The following CD247 variants were observed in gnomAD, a reference collection of about 807,000 sequenced individuals.
The protein encoded by CD247 is T-cell surface glycoprotein CD3 zeta chain.
Under a neutral mutation model 30.0 loss-of-function variants are expected in CD247, and 13 were observed. The observed-to-expected ratio is 0.43, with a 90% CI of 0.28 to 0.69. The LOEUF (loss-of-function observed/expected upper bound fraction) is 0.69. CD247 is among the 30% of genes least tolerant of loss of function. The probability of loss-of-function intolerance (pLI) is 0.16; values close to 1 mark genes in which losing one functional copy is unlikely to be tolerated. For missense variants in CD247, 193 were observed against 212.6 expected, an observed-to-expected ratio of 0.91 and a Z score of 0.57; for synonymous variants, 72 against 80.0, an observed-to-expected ratio of 0.90 and a Z score of 0.53.
chr1:167,439,535 G>T, intron 2 of CD247, 135 bp from the exon 3 acceptor site: 1 of 763,496 alleles, frequency 1.3e-6, no homozygotes. Flanking sequence ...CTGCCTCCTG[G>T]GGCTGAGCCC....
chr1:167,495,027 G>T (rs1284349662), intron 1 of CD247, among the ~76,000 whole-genome samples: 2 of 152,216 alleles, frequency 1.3e-5, no homozygotes, highest in African/African-American at 4.8e-5. Flanking sequence ...TCCCAAGGAG[G>T]GGAGGGCTGG....
At chr1:167,445,765 C>G (rs574234722) in intron 1 of CD247, among the ~76,000 whole-genome samples, 3 of 152,170 alleles carry the variant, frequency 2.0e-5, no homozygotes, top group African/African-American at 7.2e-5. Flanking sequence ...CCTGGTCCTG[C>G]CATACCCTGA....
chr1:167,434,263 C>G (rs113240836), intron 5 of CD247, 187 bp from the exon 6 acceptor site: 5 of 655,704 alleles, frequency 7.6e-6, no homozygotes, highest in African/African-American at 5.4e-5. Context: ...AGCCCACCCC[C>G]CTCATCCTCA....
intron 1 of CD247, among the ~76,000 whole-genome samples, chr1:167,488,240 G>A (rs957199415): frequency 1.3e-5 from 2 of 152,174 alleles, no homozygotes; most frequent in Non-Finnish European, 2.9e-5. Context: ...AGAAAATTTT[G>A]AAGATAATTT....
chr1:167,496,249 C>T (rs986569693), intron 1 of CD247, among the ~76,000 whole-genome samples: 4 of 152,236 alleles, frequency 2.6e-5, no homozygotes, highest in Admixed American at 1.3e-4. Context: ...GTGAGTTGCT[C>T]ATCACAGTAG....
At chr1:167,470,362 A>T (rs1653456468) in intron 1 of CD247, among the ~76,000 whole-genome samples, 1 of 152,118 alleles carries the variant, frequency 6.6e-6, no homozygotes, top group Non-Finnish European at 1.5e-5. Flanking sequence ...AGAACTCCTT[A>T]TTTCTCCCCC....
At chr1:167,436,151 G>C (rs1226105741) in intron 4 of CD247, among the ~76,000 whole-genome samples, 1 of 152,168 alleles carries the variant, frequency 6.6e-6, no homozygotes, top group African/African-American at 2.4e-5. Context: ...GGGATGCAAG[G>C]ATGGTTCAAC....
At chr1:167,483,015 T>TCTTTC (rs201265842) in intron 1 of CD247, among the ~76,000 whole-genome samples, 28 of 139,622 alleles carry the variant, frequency 2.0e-4, no homozygotes, top group South Asian at 4.9e-4. Flanking sequence ...TTTCTTTCTT[T>TCTTTC]TTTTTTTTTT....
intron 1 of CD247, among the ~76,000 whole-genome samples, chr1:167,471,765 G>A (rs538004933): frequency 1.3e-5 from 2 of 151,390 alleles, no homozygotes; most frequent in African/African-American, 4.8e-5. Flanking sequence ...ACTACACTCG[G>A]CTTTATTTTT....
intron 1 of CD247, among the ~76,000 whole-genome samples, chr1:167,447,873 C>G (rs968396888): frequency 6.6e-6 from 1 of 151,252 alleles, no homozygotes. Context: ...GCTCCACCCC[C>G]AGGCTCAGGC....
At chr1:167,490,359 T>G (rs965612171) in intron 1 of CD247, among the ~76,000 whole-genome samples, 2 of 152,218 alleles carry the variant, frequency 1.3e-5, no homozygotes, top group Non-Finnish European at 2.9e-5. Context: ...GCGCGGTGGC[T>G]CACGCCTGTA....
At chr1:167,495,696 GACCTC>G (rs36209875) in intron 1 of CD247, among the ~76,000 whole-genome samples, 4,325 of 152,180 alleles carry the variant, frequency 0.028, 190 homozygotes, top group African/African-American at 0.099. Context: ...CAATACGTCT[GACCTC>G]ACCTCCTACT....
chr1:167,438,067 G>A (rs1346682017), intron 4 of CD247, among the ~76,000 whole-genome samples: 1 of 151,398 alleles, frequency 6.6e-6, no homozygotes, highest in African/African-American at 2.4e-5. Context: ...AGAATGAAGG[G>A]GAAAAAACAA....
At chr1:167,502,135 C>A (rs545740542) in intron 1 of CD247, among the ~76,000 whole-genome samples, 38 of 152,344 alleles carry the variant, frequency 2.5e-4, no homozygotes, top group African/African-American at 8.7e-4. Flanking sequence ...GGCAACCAGG[C>A]TGGAAGAGAA....
At chr1:167,449,768 T>C (rs971846457) in intron 1 of CD247, among the ~76,000 whole-genome samples, 1 of 151,656 alleles carries the variant, frequency 6.6e-6, no homozygotes, top group African/African-American at 2.4e-5. Context: ...ACTAAAAGTA[T>C]GAAAATTAGC....
At chr1:167,447,111 C>T (rs1652122705) in intron 1 of CD247, among the ~76,000 whole-genome samples, 1 of 152,260 alleles carries the variant, frequency 6.6e-6, no homozygotes, top group East Asian at 1.9e-4. Flanking sequence ...TGATGTAACA[C>T]ATGCATGAAG....
chr1:167,511,219 G>T (rs1655373428), intron 1 of CD247, among the ~76,000 whole-genome samples: 2 of 152,196 alleles, frequency 1.3e-5, no homozygotes, highest in African/African-American at 4.8e-5. Flanking sequence ...TTCTTTTAGA[G>T]AATCTCATAC....
chr1:167,517,117 A>T (rs917838467), intron 1 of CD247, among the ~76,000 whole-genome samples: 7 of 152,208 alleles, frequency 4.6e-5, no homozygotes, highest in Non-Finnish European at 1.0e-4. Context: ...GAGCAAGCTC[A>T]GGCACCCTCA....
intron 1 of CD247, among the ~76,000 whole-genome samples, chr1:167,477,378 T>G (rs767643188): frequency 6.6e-6 from 1 of 152,190 alleles, no homozygotes; most frequent in Non-Finnish European, 1.5e-5. Context: ...AAGCTGCTTT[T>G]CTTTTTTTCC....
Sources: allele counts gnomAD v4.1 joint callset (sites outside exome capture counted in the v4.1 genomes callset), GRCh38; gene constraint gnomAD v4.1.1; transcripts MANE v1.5; gene names NCBI Gene and HGNC (gene_info 2026-07-23, HGNC 2026-07-21).